Variants in USP49 observed in about 807,000 individuals in gnomAD.
USP49 encodes ubiquitin specific peptidase 49.
USP49 carries 24 observed loss-of-function variants against 58.6 expected under a neutral mutation model. That is an observed-to-expected ratio of 0.41 (90% CI 0.30 to 0.58). USP49 has a LOEUF of 0.58. Among genes scored for constraint, USP49 ranks in the 20% least tolerant of loss-of-function variants. The pLI, the probability that USP49 is intolerant of heterozygous loss-of-function variation, is 0.30. For missense variants in USP49, 703 were observed against 866.1 expected (o/e 0.81, Z 2.36); for synonymous variants, 408 against 365.1 (o/e 1.12, Z -1.34).
intron 3 of USP49, among the ~76,000 whole-genome samples, chr6:41,859,603 T>C (rs1156310371): frequency 6.6e-6 from 1 of 152,184 alleles, no homozygotes; most frequent in Non-Finnish European, 1.5e-5. Flanking sequence ...AGGAACCTAA[T>C]AAATTTTGTT....
rs941715457 is a variant in USP49 at position 41,890,642 on chromosome 6, C to T, written c.-103+1152G>A. Among the ~76,000 whole-genome samples the T allele has an allele frequency of 4.5e-4, 68 of 152,134 alleles. 1 individual carries two copies. Among genetic ancestry groups the T allele is most frequent in the African/African-American group, 1.5e-3 (63 of 41,490 alleles). ...TGAGCTGACGTGGCGCCACTGCATTCGCCTGGGCAAAAGAGCAAGATTCTG... is the reference window on the plus strand; with the variant it reads ...TGAGCTGACGTGGCGCCACTGCATTTGCCTGGGCAAAAGAGCAAGATTCTG... On this transcript the variant is annotated intron_variant, in intron 2 of 7. Transcript: ENST00000682992.
At chr6:41,798,300 G>T in intron 7 of USP49, 1 of 185,512 alleles carries the variant, frequency 5.4e-6, no homozygotes, top group Non-Finnish European at 1.1e-5. Flanking sequence ...TGAGATAAGA[G>T]TCTTGCTCTG....
At chr6:41,824,652 G>A (rs1056707657) in intron 3 of USP49, among the ~76,000 whole-genome samples, 2 of 152,156 alleles carry the variant, frequency 1.3e-5, no homozygotes, top group East Asian at 3.9e-4. Flanking sequence ...GTTGTGGTGA[G>A]CCGAGATCGC....
chr6:41,825,128 G>C lies in USP49; in HGVS notation c.-28-18117C>G, dbSNP rs540308235. Among the ~76,000 whole-genome samples the C allele has an allele frequency of 2.6e-5, 4 of 152,284 alleles. No individual in the cohort carries two copies. The South Asian group carries it at 8.3e-4, about 32-fold the overall frequency. On this transcript the variant is annotated intron_variant, in intron 3 of 7. Coordinates refer to ENST00000682992, the MANE Select transcript of USP49 (RefSeq NM_001286554.2). ...CACAAATCTTAGCTACCTCTGCCCT[G>C]TTTTAAAATATCAACCTCCTGGTGT... is the stretch of plus-strand genomic sequence containing the variant.
chr6:41,808,407 CTTTTTT>C (rs5875774), intron 3 of USP49, among the ~76,000 whole-genome samples: 1 of 117,564 alleles, frequency 8.5e-6, no homozygotes, highest in Admixed American at 9.4e-5. Flanking sequence ...AGCTATACAA[CTTTTTT>C]TTTTTTTTTT....
At chr6:41,867,737 G>C (rs1188817653) in intron 3 of USP49, among the ~76,000 whole-genome samples, 2 of 152,124 alleles carry the variant, frequency 1.3e-5, no homozygotes, top group Non-Finnish European at 2.9e-5. Flanking sequence ...GGGCGACAGA[G>C]CAAGACTCCA....
At chr6:41,881,266 T>C (rs1279264352) in intron 2 of USP49, among the ~76,000 whole-genome samples, 2 of 77,936 alleles carry the variant, frequency 2.6e-5, no homozygotes, top group Non-Finnish European at 4.4e-5. Context: ...AGCCTACTGT[T>C]CAGAAATATG....
At chr6:41,849,901 G>A (rs1292006395) in intron 3 of USP49, among the ~76,000 whole-genome samples, 3 of 151,914 alleles carry the variant, frequency 2.0e-5, no homozygotes, top group Non-Finnish European at 2.9e-5. Context: ...CACTGTGCCC[G>A]GCACAAAGTA....
At chr6:41,862,125 C>G (rs1774234257) in intron 3 of USP49, among the ~76,000 whole-genome samples, 1 of 152,196 alleles carries the variant, frequency 6.6e-6, no homozygotes, top group African/African-American at 2.4e-5. Context: ...CAATACACCA[C>G]AGATATGGTT....
In USP49 at chr6:41,846,278, C is replaced by T. The variant is rs1288735221; in HGVS notation, c.-29+25286G>A. Reference sequence around the variant, plus strand: ...GTTGCAGTGAGCCAAGATCGCGCCACTGCACTCCAGCCTGGGTGACAGAGT... The same window carrying T: ...GTTGCAGTGAGCCAAGATCGCGCCATTGCACTCCAGCCTGGGTGACAGAGT... On this transcript the variant is annotated intron_variant, in intron 3 of 7. Transcript: ENST00000682992. Among the ~76,000 whole-genome samples the T allele has an allele frequency of 2.0e-5, 3 of 152,064 alleles. No homozygotes were observed. In the East Asian group the frequency reaches 5.8e-4, roughly 29 times the overall value.
intron 3 of USP49, among the ~76,000 whole-genome samples, chr6:41,833,820 C>G (rs1007205357): frequency 6.6e-6 from 1 of 152,126 alleles, no homozygotes; most frequent in Non-Finnish European, 1.5e-5. Context: ...TTTGGAAAAC[C>G]CTATTTATTA....
In USP49 at chr6:41,806,608, C is replaced by T; in HGVS notation, c.376G>A (p.Val126Met). Residue 126 changes from valine (V) to methionine (M), a missense_variant, in exon 4 of 8, where the codon GTG (valine) becomes ATG (methionine). Physicochemically the swap from Val to Met is conservative, Grantham distance 21. Around this residue, in one of 6 missense-constraint regions of USP49, gnomAD observed 376 missense variants for 373.5 expected, o/e 1.01. Coordinates refer to ENST00000682992, the MANE Select transcript of USP49 (RefSeq NM_001286554.2). This position sits in a 1 kb window ranked among gnomAD's most constrained non-coding sequence, Gnocchi z 5.9. The part of the protein sequence containing the change: ...TLRSMASGED[V>M]VLPQRAPQGQ... ...TGAGGAGCGCGCTGCGGCAGGACCACGTCCTCACCCGAAGCCATGGACCGC... is the reference window on the plus strand; with the variant it reads ...TGAGGAGCGCGCTGCGGCAGGACCATGTCCTCACCCGAAGCCATGGACCGC... 1 of 1,609,444 alleles carries T rather than the reference C, an allele frequency of 6.2e-7. No individual in the cohort carries two copies. The highest frequency in any genetic ancestry group is 8.5e-7 in the Non-Finnish European group (1 of 1,179,008).
Position 41,862,531 on chromosome 6 carries a change from G to A in USP49, c.-29+9033C>T, listed in dbSNP as rs148085384. Among the ~76,000 whole-genome samples the A allele has an allele frequency of 7.4e-3, 1,133 of 152,210 alleles. 16 individuals carry two copies. The highest frequency in any genetic ancestry group is 0.025 in the African/African-American group (1,032 of 41,536). ...AATATTTTGTGTTCTAATGAAATCAGAGTACATGGTTTCAAAAGGAAAAGA... is the reference window on the plus strand; with the variant it reads ...AATATTTTGTGTTCTAATGAAATCAAAGTACATGGTTTCAAAAGGAAAAGA... On this transcript the variant is annotated intron_variant, in intron 3 of 7. Transcript: ENST00000682992.
intron 2 of USP49, among the ~76,000 whole-genome samples, chr6:41,880,276 T>C (rs1285992400): frequency 6.6e-6 from 1 of 151,114 alleles, no homozygotes; most frequent in Non-Finnish European, 1.5e-5. Context: ...GAAAGGAAAA[T>C]TAAAGGACTC....
chr6:41,849,611 C>CTT (rs1286120146), intron 3 of USP49, among the ~76,000 whole-genome samples: 8 of 143,028 alleles, frequency 5.6e-5, no homozygotes, highest in African/African-American at 1.0e-4. Flanking sequence ...TCTTTTCTTT[C>CTT]TTTTTTTTTT....
At chr6:41,830,855 C>T (rs115070780) in intron 3 of USP49, among the ~76,000 whole-genome samples, 1,688 of 151,856 alleles carry the variant, frequency 0.011, 15 homozygotes, top group Non-Finnish European at 0.017. Flanking sequence ...GAAAGCAGCA[C>T]GAAGCACCAG....
chr6:41,881,534 A>C (rs1774608798), intron 2 of USP49, among the ~76,000 whole-genome samples: 1 of 152,210 alleles, frequency 6.6e-6, no homozygotes, highest in Non-Finnish European at 1.5e-5. Flanking sequence ...AAAGAAACTA[A>C]AGGAAAAAAA....
chr6:41,873,501 C>T (rs1267549911), intron 2 of USP49, among the ~76,000 whole-genome samples: 1 of 152,144 alleles, frequency 6.6e-6, no homozygotes, highest in Admixed American at 6.6e-5. Context: ...GTTCTAGGTT[C>T]GGGGATCTGA....
chr6:41,813,352 A>T (rs1297215200), intron 3 of USP49, among the ~76,000 whole-genome samples: 1 of 152,192 alleles, frequency 6.6e-6, no homozygotes, highest in Non-Finnish European at 1.5e-5. Flanking sequence ...ATCATATGAA[A>T]TACAGCAGAG....
Sources: gnomAD v4.1 joint callset for allele counts (sites outside exome capture counted in the v4.1 genomes callset) on GRCh38, gnomAD v4.1.1 for gene constraint, gnomAD v4.1.1 regional missense constraint, Gnocchi (gnomAD v3.1) non-coding constraint, MANE v1.5 for transcripts, NCBI Gene and HGNC (gene_info 2026-07-23, HGNC 2026-07-21) for gene names.